HEG1: variants seen among roughly 807,000 people sequenced by gnomAD.
The protein encoded by HEG1 is protein HEG homolog 1.
HEG1 carries 56 observed loss-of-function variants against 125.6 expected under a neutral mutation model. The observed-to-expected ratio is 0.45, with a 90% CI of 0.36 to 0.56. The LOEUF (loss-of-function observed/expected upper bound fraction) is 0.56. Ranked by LOEUF, HEG1 falls within the 20% of genes least tolerant of loss-of-function variation. HEG1 has a pLI of 0.00. For synonymous variants in HEG1, 644 were observed against 668.5 expected (o/e 0.96, Z 0.57); for missense variants, 1,523 against 1,670.0 (o/e 0.91, Z 1.53).
intron 12 of HEG1, among the ~76,000 whole-genome samples, chr3:124,994,729 C>A (rs943437447): frequency 5.9e-5 from 9 of 152,216 alleles, no homozygotes; most frequent in African/African-American, 2.2e-4. Flanking sequence ...TGGCCTCGAA[C>A]TCCTGACCTC....
At position 125,027,393 on chromosome 3, in the gene HEG1, A is replaced by T. The variant is rs756104472; in HGVS notation, c.725T>A (p.Leu242Gln). 9.9e-6 allele frequency: 16 copies of T among 1,613,916 alleles called. No homozygotes were observed. Among genetic ancestry groups the T allele is most frequent in the South Asian group, 4.4e-5 (4 of 91,082 alleles). Residue 242 changes from leucine to glutamine, a missense_variant, in exon 3 of 17, where the codon CTG becomes CAG. Leu to Gln is a moderately radical substitution (Grantham distance 113). Transcript: ENST00000311127. The stretch of plus-strand genomic sequence containing the variant: ...GCTGTGCACAGTCCATTCTTCTGAC[A>T]GCCCCATCGCCCTCTCTGTTCCCAT... Reference protein sequence around the residue: ...SEMGTERAMGLSEEWTVHSQE... With the variant: ...SEMGTERAMGQSEEWTVHSQE...
intron 14 of HEG1, among the ~76,000 whole-genome samples, chr3:124,986,583 T>C (rs145908327): frequency 2.1e-3 from 326 of 152,264 alleles, no homozygotes; most frequent in Middle Eastern, 0.01. Context: ...CTGAAACTAA[T>C]AGAGATATCA....
Position 125,020,780 on chromosome 3 carries a change from T to C in HEG1, c.1252+12A>G. ...ATGTCCCTAATAGATCAAGTAAAGA[T>C]GGAATACTTACTTGGGGAATCATTT... On this transcript the variant is annotated intron_variant, in intron 4 of 16. Coordinates refer to ENST00000311127, the MANE Select transcript of HEG1 (RefSeq NM_020733.2). The C allele has an allele frequency of 6.2e-7, 1 of 1,603,820 alleles. No homozygotes were observed. The highest frequency in any genetic ancestry group is 8.5e-7 in the Non-Finnish European group (1 of 1,173,394).
chr3:124,989,772 C>T (rs1415401348), intron 14 of HEG1, among the ~76,000 whole-genome samples: 2 of 152,226 alleles, frequency 1.3e-5, no homozygotes, highest in African/African-American at 2.4e-5. Context: ...CCACATTCTC[C>T]TCTGTCCAGT....
At chr3:124,976,202 G>GT (rs1346626717) in intron 15 of HEG1, among the ~76,000 whole-genome samples, 1 of 151,888 alleles carries the variant, frequency 6.6e-6, no homozygotes. Flanking sequence ...GTTTTGTTTT[G>GT]TTTGAGACGG....
In HEG1 at chr3:124,967,651, G is replaced by C. The variant is rs899859921; in HGVS notation, c.*3001C>G. ...GGGGCTACAGTGGGCAGAGTAGCTG[G>C]GGGAGTCAGGCAGACAAGGGTTTCA... On this transcript the variant is annotated 3_prime_UTR_variant, in exon 17 of 17. Transcript: ENST00000311127. The C allele has an allele frequency of 2.0e-5, 3 of 152,148 alleles. No individual in the cohort carries two copies. Among genetic ancestry groups the C allele is most frequent in the Non-Finnish European group, 4.4e-5 (3 of 68,094 alleles). 9.4% of individuals were successfully genotyped at this position (152,148 alleles called of 1,614,324 possible).
chr3:125,001,609 T>G (rs556521259), intron 11 of HEG1, among the ~76,000 whole-genome samples: 2 of 152,214 alleles, frequency 1.3e-5, no homozygotes, highest in East Asian at 3.8e-4. Context: ...AGGAGCTGCA[T>G]GCCAAGGACC....
At chr3:125,014,732 G>A (rs1248023576) in intron 5 of HEG1, 10 of 1,277,710 alleles carry the variant, frequency 7.8e-6, no homozygotes, top group African/African-American at 7.6e-5. Context: ...CACTGGAGGC[G>A]GCCAGTGACC....
At chr3:125,047,889 T>A (rs891840928) in intron 1 of HEG1, among the ~76,000 whole-genome samples, 12 of 152,228 alleles carry the variant, frequency 7.9e-5, no homozygotes, top group African/African-American at 2.9e-4. Flanking sequence ...CACCTTGGCC[T>A]CTGCCCTCTT....
At chr3:124,971,132 T>G (rs1936415627) in intron 16 of HEG1, 1 of 489,798 alleles carries the variant, frequency 2.0e-6, no homozygotes, top group Non-Finnish European at 4.0e-6. Context: ...ACCAGTTGGA[T>G]CTCAAAAAAA....
At chr3:125,027,825 C>T (rs1302567026) in intron 2 of HEG1, among the ~76,000 whole-genome samples, 1 of 152,146 alleles carries the variant, frequency 6.6e-6, no homozygotes, top group Admixed American at 6.5e-5. Flanking sequence ...CAGATTGGTC[C>T]CAGAATGTAC....
chr3:124,984,173 G>T (rs138859315), intron 14 of HEG1, among the ~76,000 whole-genome samples: 1 of 152,146 alleles, frequency 6.6e-6, no homozygotes, highest in Non-Finnish European at 1.5e-5. Flanking sequence ...CCATCAGACC[G>T]TGGGTTGGGC....
intron 16 of HEG1, 164 bp from the exon 17 acceptor site, chr3:124,970,965 T>C: frequency 3.0e-6 from 2 of 672,862 alleles, no homozygotes; most frequent in Non-Finnish European, 2.5e-6. Flanking sequence ...TATCTTTCTC[T>C]CTGGAGCACA....
chr3:124,996,188 G>A (rs11713067), intron 12 of HEG1, among the ~76,000 whole-genome samples: 10,799 of 151,876 alleles, frequency 0.071, 522 homozygotes, highest in African/African-American at 0.13. Context: ...GGGTTCAAGC[G>A]ATTCTCCTGC....
At chr3:124,987,500 T>G (rs1467593786) in intron 14 of HEG1, among the ~76,000 whole-genome samples, 1 of 151,628 alleles carries the variant, frequency 6.6e-6, no homozygotes, top group Non-Finnish European at 1.5e-5. Context: ...CTCCTGCTGC[T>G]AAGCCTCTCT....
chr3:125,004,716 TAA>T (rs5852436), intron 9 of HEG1, among the ~76,000 whole-genome samples: 11,582 of 145,976 alleles, frequency 0.079, 589 homozygotes, highest in African/African-American at 0.14. Context: ...CATTTTTCTT[TAA>T]AAAAAAAAAA....
intron 6 of HEG1, 76 bp from the exon 7 acceptor site, chr3:125,010,631 C>A (rs890670745): frequency 2.7e-5 from 23 of 867,872 alleles, no homozygotes; most frequent in African/African-American, 2.5e-4. Context: ...ATATTTAATT[C>A]TCCCAGCTAA....
At position 125,012,608 on chromosome 3, in the gene HEG1, G is replaced by A; in HGVS notation, c.2956+15C>T. On this transcript the variant is annotated intron_variant, in intron 6 of 16. Coordinates refer to ENST00000311127, the MANE Select transcript of HEG1 (RefSeq NM_020733.2). ...GGCCTTGCAGTTAACATGTGCTTGT[G>A]TGACTGTGTTTTACCTGAGGCTGAA... 2 of 1,606,274 alleles carry A rather than the reference G, an allele frequency of 1.2e-6. No homozygotes were observed. The highest frequency in any genetic ancestry group is 2.2e-5 in the East Asian group (1 of 44,724).
At position 125,013,976 on chromosome 3, in the gene HEG1, A is replaced by G. The variant is rs190333059; in HGVS notation, c.1603T>C (p.Tyr535His). 2.1e-4 allele frequency: 333 copies of G among 1,602,494 alleles called. No individual in the cohort carries two copies. The East Asian group carries it at 7.4e-3, about 35-fold the overall frequency. ...ATAGCTGTGCCACGCACTTGACCGT[A>G]GCTAATCCCAGCGACTGTAAACGGA... ...RGERSIAGISYGQVRGTAIEQ... is the reference protein window; with the variant it reads ...RGERSIAGISHGQVRGTAIEQ... The change falls in exon 6 of 17, where the codon TAC becomes CAC. Residue 535 changes from tyrosine (Y) to histidine (H), a missense_variant. Coordinates refer to ENST00000311127, the MANE Select transcript of HEG1 (RefSeq NM_020733.2).
Sources: allele counts gnomAD v4.1 joint callset (sites outside exome capture counted in the v4.1 genomes callset), GRCh38; gene constraint gnomAD v4.1.1; transcripts MANE v1.5; gene names NCBI Gene and HGNC (gene_info 2026-07-23, HGNC 2026-07-21).